The following TEPSIN variants were observed in gnomAD, a reference collection of about 807,000 sequenced individuals.
The protein encoded by TEPSIN is TEPSIN adaptor related protein complex 4 accessory protein.
Under a neutral mutation model 48.5 loss-of-function variants are expected in TEPSIN, and 50 were observed. That is an observed-to-expected ratio of 1.03 (90% CI 0.82 to 1.31). TEPSIN has a LOEUF of 1.31. TEPSIN is among the 50% of genes most tolerant of loss of function. The pLI is 0.00. For synonymous variants in TEPSIN, 392 were observed against 358.8 expected, an observed-to-expected ratio of 1.09 and a Z score of -1.05; for missense variants, 838 against 815.9, an observed-to-expected ratio of 1.03 and a Z score of -0.33.
In TEPSIN at chr17:81,233,426, A is replaced by T; in HGVS notation, c.526+6T>A. 3 of 1,609,130 alleles carry T rather than the reference A, an allele frequency of 1.9e-6. No homozygotes were observed. The highest frequency in any genetic ancestry group is 2.2e-4 in the Middle Eastern group (1 of 4,614). ...GCCAGAGCCCATGCAGGCCCTCCCCACTCACCCGTGCGGCCGTGTTCCTTG... is the reference window on the plus strand; with the variant it reads ...GCCAGAGCCCATGCAGGCCCTCCCCTCTCACCCGTGCGGCCGTGTTCCTTG... On this transcript the variant is annotated splice_donor_region_variant and intron_variant, in intron 7 of 12. Transcript: ENST00000637944. This position sits in a 1 kb window ranked among gnomAD's most constrained non-coding sequence, Gnocchi z 5.8.
chr17:81,233,100 G>T lies in TEPSIN; in HGVS notation c.526+332C>A. 2.3e-6 allele frequency: 1 copy of T among 430,028 alleles called. No homozygotes were observed. The allele number at this position is 430,028 out of a possible 1,614,324, so 26.6% of individuals were successfully genotyped here. On this transcript the variant is annotated intron_variant, in intron 7 of 12. Transcript: ENST00000637944. This position sits in a 1 kb window ranked among gnomAD's most constrained non-coding sequence, Gnocchi z 5.8. ...GCCCCACCTCATAACAGCTCCACAC[G>T]GGACTGCCTGAGTCACCTGCACCAC... is the stretch of plus-strand genomic sequence containing the variant.
chr17:81,237,925 T>G (rs983121726), intron 1 of TEPSIN: 2 of 980,530 alleles, frequency 2.0e-6, no homozygotes, highest in African/African-American at 3.5e-5. Flanking sequence ...GCTCCATCGC[T>G]CCCCGAGAAC....
chr17:81,231,236 C>T, intron 11 of TEPSIN, 162 bp downstream of exon 11: 7 of 713,434 alleles, frequency 9.8e-6, no homozygotes, highest in East Asian at 5.4e-5. Flanking sequence ...GGCATACACA[C>T]CCACACGCAC....
Position 81,233,533 on chromosome 17 carries a change from CG to C in TEPSIN, c.455-31del. The C allele has an allele frequency of 6.4e-7, 1 of 1,571,042 alleles. No individual in the cohort carries two copies. The highest frequency in any genetic ancestry group is 1.3e-5 in the African/African-American group (1 of 74,150). The stretch of plus-strand genomic sequence containing the variant: ...AGAGGGTCCTCCGTTAGCAGCAAGC[CG>C]GCCCCCACCCTCGGCCCTGCCCACG... On this transcript the variant is annotated intron_variant, in intron 6 of 12. Transcript: ENST00000637944. The surrounding 1 kb of genome is among the most constrained non-coding windows in gnomAD (Gnocchi z 5.8).
intron 12 of TEPSIN, chr17:81,229,897 C>CA: frequency 4.6e-6 from 1 of 216,476 alleles, no homozygotes. Context: ...GTGGTGCGAA[C>CA]CCCAGGCTCA....
rs1567909830 is a variant in TEPSIN at position 81,236,775 on chromosome 17, G to A, written c.240C>T (p.Cys80=). ...LKVLKILLYL[C]SHGSSFFLLI... ...GCAGGAAGAAGGAGGAGCCGTGGCT[G>A]CACAGATAGAGCAGGATCTTCAGCA... The change falls in exon 4 of 13, where the codon TGC becomes TGT. Residue 80 remains cysteine, a synonymous_variant. Coordinates refer to ENST00000637944, the MANE Select transcript of TEPSIN (RefSeq NM_001363764.2). 2 of 1,571,138 alleles carry A rather than the reference G, an allele frequency of 1.3e-6. No homozygotes were observed. Among genetic ancestry groups the A allele is most frequent in the Non-Finnish European group, 1.7e-6 (2 of 1,158,846 alleles).
chr17:81,236,719 T>G lies in TEPSIN; in HGVS notation c.296A>C (p.Gln99Pro). Reference sequence around the variant, plus strand: ...CGCGGCCCCTGTACCTGCAGCTTCCTGGATGAAGGCAGAGTTGCGTTTGAG... The same window carrying G: ...CGCGGCCCCTGTACCTGCAGCTTCCGGGATGAAGGCAGAGTTGCGTTTGAG... ...LILKRNSAFI[Q>P]EAAAFAGPPD... The change falls in exon 4 of 13, where the codon CAG (glutamine) becomes CCG (proline). Residue 99 changes from glutamine (Q) to proline (P), a missense_variant. By Grantham distance (76) the Gln-to-Pro change is moderately conservative. Coordinates refer to ENST00000637944, the MANE Select transcript of TEPSIN (RefSeq NM_001363764.2). 1 of 1,564,574 alleles carries G rather than the reference T, an allele frequency of 6.4e-7. No homozygotes were observed. Among genetic ancestry groups the G allele is most frequent in the Non-Finnish European group, 8.7e-7 (1 of 1,155,094 alleles).
In TEPSIN at chr17:81,236,973, G is replaced by C. The variant is rs1003820691; in HGVS notation, c.213+7C>G. 1.5e-5 allele frequency: 23 copies of C among 1,571,190 alleles called. No homozygotes were observed. The highest frequency in any genetic ancestry group is 2.0e-5 in the Non-Finnish European group (23 of 1,157,554). ...CAGGCCTGACCCTTGACCACCCAGGGGCTCACCTTGAGCTTCCCGTGGCCG... is the reference window on the plus strand; with the variant it reads ...CAGGCCTGACCCTTGACCACCCAGGCGCTCACCTTGAGCTTCCCGTGGCCG... On this transcript the variant is annotated splice_region_variant and intron_variant, in intron 3 of 12. Transcript: ENST00000637944.
intron 11 of TEPSIN, 78 bp downstream of exon 11, chr17:81,231,320 C>G: frequency 7.3e-7 from 1 of 1,365,648 alleles, no homozygotes; most frequent in Non-Finnish European, 9.8e-7. Context: ...GGCACACGTG[C>G]ACACACACGC....
intron 3 of TEPSIN, 42 bp downstream of exon 3, chr17:81,236,938 G>T: frequency 1.3e-6 from 2 of 1,542,620 alleles, no homozygotes; most frequent in Non-Finnish European, 8.8e-7. Flanking sequence ...CACCACCGTG[G>T]GCCGGGCCTC....
At position 81,238,863 on chromosome 17, in the gene TEPSIN, G is replaced by A. The variant is rs919896638; in HGVS notation, c.48+123C>T. Reference sequence around the variant, plus strand: ...CAGGGGCGTCGGCGCGGGCGAAGGGGCCAGGAGCAGCTACCCGGCGCGGAG... The same window carrying A: ...CAGGGGCGTCGGCGCGGGCGAAGGGACCAGGAGCAGCTACCCGGCGCGGAG... On this transcript the variant is annotated intron_variant, in intron 1 of 12. Transcript: ENST00000637944. 6 of 1,362,870 alleles carry A rather than the reference G, an allele frequency of 4.4e-6. No individual in the cohort carries two copies. The Admixed American group carries it at 1.2e-4, about 28-fold the overall frequency. The allele number at this position is 1,362,870 out of a possible 1,614,324, so 84.4% of individuals were successfully genotyped here. A position where few individuals can be genotyped will look rare whatever the true frequency, so the allele number is the denominator to read the frequency against.
rs746634472 is a variant in TEPSIN at position 81,231,487 on chromosome 17, G to C, written c.1020-11C>G. On this transcript the variant is annotated splice_polypyrimidine_tract_variant and intron_variant, in intron 10 of 12. Coordinates refer to ENST00000637944, the MANE Select transcript of TEPSIN (RefSeq NM_001363764.2). The stretch of plus-strand genomic sequence containing the variant: ...TTGAGCAGTCCACACCTGCACAGAG[G>C]GGACACCTGGGTGGCGGGTGCGGCC... 1 of 1,568,336 alleles carries C rather than the reference G, an allele frequency of 6.4e-7. No homozygotes were observed. Among genetic ancestry groups the C allele is most frequent in the East Asian group, 2.4e-5 (1 of 42,124 alleles).
In TEPSIN at chr17:81,233,376, C is replaced by T; in HGVS notation, c.526+56G>A. On this transcript the variant is annotated intron_variant, in intron 7 of 12. Coordinates refer to ENST00000637944, the MANE Select transcript of TEPSIN (RefSeq NM_001363764.2). The surrounding 1 kb of genome is among the most constrained non-coding windows in gnomAD (Gnocchi z 5.8). ...GGGCGGCATGGTCCGGCCCCCACCA[C>T]CTCCTCATCCCCACACCCTGAGATG... 1 of 1,588,458 alleles carries T rather than the reference C, an allele frequency of 6.3e-7. No individual in the cohort carries two copies. The highest frequency in any genetic ancestry group is 8.6e-7 in the Non-Finnish European group (1 of 1,168,442).
In TEPSIN at chr17:81,230,117, C is replaced by A; in HGVS notation, c.1233+427G>T. The A allele has an allele frequency of 5.5e-6, 1 of 180,984 alleles. No individual in the cohort carries two copies. Among genetic ancestry groups the A allele is most frequent in the Non-Finnish European group, 1.2e-5 (1 of 86,650 alleles). 11.2% of individuals were successfully genotyped at this position (180,984 alleles called of 1,614,324 possible). On this transcript the variant is annotated intron_variant, in intron 12 of 12. Coordinates refer to ENST00000637944, the MANE Select transcript of TEPSIN (RefSeq NM_001363764.2). The surrounding 1 kb of genome is among the most constrained non-coding windows in gnomAD (Gnocchi z 4.2). ...TGATTCCAGTGGCCGCCAGGCAGTT[C>A]AGAGTGTTCAAGTGCACAGAGATGA...
Position 81,234,069 on chromosome 17 carries a change from G to C in TEPSIN, c.308-21C>G, listed in dbSNP as rs2062677574. 1 of 1,572,530 alleles carries C rather than the reference G, an allele frequency of 6.4e-7. No individual in the cohort carries two copies. Among genetic ancestry groups the C allele is most frequent in the East Asian group, 2.3e-5 (1 of 43,652 alleles). On this transcript the variant is annotated intron_variant, in intron 4 of 12. Transcript: ENST00000637944. This position sits in a 1 kb window ranked among gnomAD's most constrained non-coding sequence, Gnocchi z 5.4. ...AAAAGCTGCAGAACAGAAAAGGCAAGTCGGGGGCAGGGCTGAGCCTGGCAC... is the reference window on the plus strand; with the variant it reads ...AAAAGCTGCAGAACAGAAAAGGCAACTCGGGGGCAGGGCTGAGCCTGGCAC...
chr17:81,229,840 C>CT (rs1764060806), intron 12 of TEPSIN: 2 of 306,804 alleles, frequency 6.5e-6, no homozygotes, highest in Admixed American at 5.0e-5. Flanking sequence ...ACGCAGGGTT[C>CT]TTCCAGCATG....
Position 81,228,411 on chromosome 17 carries a change from AG to A in TEPSIN, c.*516del. On this transcript the variant is annotated 3_prime_UTR_variant, in exon 13 of 13. Transcript: ENST00000637944. ...ATTACAGCCTAAAGGAGCAGGTGAG[AG>A]CCAGGGAAGGATCACGTAGGGATCT... 1 of 180,660 alleles carries A rather than the reference AG, an allele frequency of 5.5e-6. No individual in the cohort carries two copies. The highest frequency in any genetic ancestry group is 1.1e-4 in the South Asian group (1 of 9,226). The allele number at this position is 180,660 out of a possible 1,614,324, so 11.2% of individuals were successfully genotyped here. A position where few individuals can be genotyped will look rare whatever the true frequency, so the allele number is the denominator to read the frequency against.
intron 1 of TEPSIN, chr17:81,238,169 A>T (rs1456952763): frequency 1.0e-5 from 10 of 985,624 alleles, no homozygotes; most frequent in African/African-American, 1.7e-5. Flanking sequence ...TCTAGTGACA[A>T]CATACGAAAA....
At position 81,232,776 on chromosome 17, in the gene TEPSIN, G is replaced by T. The variant is rs929329127; in HGVS notation, c.527-258C>A. The stretch of plus-strand genomic sequence containing the variant: ...TGCCTCCGTCCCTCTGTCCTCTGGG[G>T]GTGAAGGTGTCCTAAGGGGCTTGGG... On this transcript the variant is annotated intron_variant, in intron 7 of 12. Transcript: ENST00000637944. 8 of 478,648 alleles carry T rather than the reference G, an allele frequency of 1.7e-5. No homozygotes were observed. The South Asian group carries it at 2.8e-4, about 17-fold the overall frequency. 29.7% of individuals were successfully genotyped at this position (478,648 alleles called of 1,614,324 possible). A position where few individuals can be genotyped will look rare whatever the true frequency, so the allele number is the denominator to read the frequency against.
Sources: gnomAD v4.1 joint callset for allele counts on GRCh38, gnomAD v4.1.1 for gene constraint, Gnocchi (gnomAD v3.1) non-coding constraint, MANE v1.5 for transcripts, NCBI Gene and HGNC (gene_info 2026-07-23, HGNC 2026-07-21) for gene names.